ADGRA1: variants seen among roughly 807,000 people sequenced by gnomAD.
The protein encoded by ADGRA1 is adhesion G protein-coupled receptor A1.
In ADGRA1, 12 loss-of-function variants were observed where a neutral mutation model predicts 21.3. The observed-to-expected ratio is 0.56, with a 90% CI of 0.36 to 0.91. The LOEUF (loss-of-function observed/expected upper bound fraction) is 0.91, where lower values mean the gene tolerates loss of function less well. ADGRA1 is among the 40% of genes least tolerant of loss of function. ADGRA1 has a pLI of 0.01. For missense variants in ADGRA1, 790 were observed against 805.6 expected, an observed-to-expected ratio of 0.98 and a Z score of 0.23; for synonymous variants, 385 against 368.8, an observed-to-expected ratio of 1.04 and a Z score of -0.50.
Position 133,093,069 on chromosome 10 carries a change from T to C in ADGRA1, c.4-3905T>C, listed in dbSNP as rs199966882. 364 of 1,596,682 alleles carry C rather than the reference T, an allele frequency of 2.3e-4. 1 individual carries two copies. Among genetic ancestry groups the C allele is most frequent in the Middle Eastern group, 1.7e-3 (10 of 6,056 alleles). ...ACACCTCACTGTGTAGGAAAGAAGG[T>C]TCCTCAGCCAGTTGGAGCTGCAGAC... On this transcript the variant is annotated intron_variant, in intron 2 of 6. Transcript: ENST00000392607.
At position 133,128,886 on chromosome 10, in the gene ADGRA1, G is replaced by A; in HGVS notation, c.1058G>A (p.Arg353Gln). 1.3e-6 allele frequency: 2 copies of A among 1,562,502 alleles called. No individual in the cohort carries two copies. The highest frequency in any genetic ancestry group is 1.2e-5 in the South Asian group (1 of 86,574). Reference protein sequence around the residue: ...CLHSPGLGQPRGFAHPPGPCK... With the variant: ...CLHSPGLGQPQGFAHPPGPCK... ...CACTCGCCGGGACTGGGCCAGCCAC[G>A]GGGCTTCGCGCACCCACCGGGCCCC... The change falls in exon 7 of 7, where the codon CGG (arginine) becomes CAG (glutamine). Residue 353 changes from arginine (R) to glutamine (Q), a missense_variant. By Grantham distance (43) the Arg-to-Gln change is conservative. This residue lies in a region of ADGRA1 where 391 missense variants were observed against 351.5 expected (regional missense o/e 1.11). Transcript: ENST00000392607.
chr10:133,093,030 A>C (rs1416311975), intron 2 of ADGRA1: 4 of 1,595,198 alleles, frequency 2.5e-6, no homozygotes, highest in Non-Finnish European at 3.4e-6. Flanking sequence ...TCGGAGCTGC[A>C]GACCTGGCCC....
intron 5 of ADGRA1, among the ~76,000 whole-genome samples, chr10:133,117,998 G>C (rs1184525416): frequency 6.6e-6 from 1 of 152,218 alleles, no homozygotes; most frequent in African/African-American, 2.4e-5. Flanking sequence ...GACAGTGGAG[G>C]CTGGGAGGGA....
chr10:133,125,068 C>T (rs1249534620), intron 5 of ADGRA1, among the ~76,000 whole-genome samples: 1 of 152,250 alleles, frequency 6.6e-6, no homozygotes, highest in African/African-American at 2.4e-5. Flanking sequence ...GTCTACTTTG[C>T]CGGGCATCCG....
intron 2 of ADGRA1, among the ~76,000 whole-genome samples, chr10:133,095,311 CT>C (rs1320993391): frequency 6.6e-6 from 1 of 152,164 alleles, no homozygotes; most frequent in African/African-American, 2.4e-5. Context: ...CTCCTGGGCC[CT>C]GACTCCCCCG....
chr10:133,119,823 T>C (rs1422667250), intron 5 of ADGRA1, among the ~76,000 whole-genome samples: 1 of 152,332 alleles, frequency 6.6e-6, no homozygotes, highest in East Asian at 1.9e-4. Flanking sequence ...ACAGTGGGCT[T>C]TAAATATTCA....
Position 133,088,083 on chromosome 10 carries a change from C to T in ADGRA1, c.-258C>T, listed in dbSNP as rs2135858447. The T allele has an allele frequency of 1.0e-6, 1 of 985,214 alleles. No homozygotes were observed. Among genetic ancestry groups the T allele is most frequent in the South Asian group, 4.7e-5 (1 of 21,290 alleles). 61.0% of individuals were successfully genotyped at this position (985,214 alleles called of 1,614,324 possible). ...GGTCCCCGGCGGGGGGAGCGCAGCG[C>T]GTCTGTCTCCGGGAGCGCGGCCCGG... On this transcript the variant is annotated 5_prime_UTR_variant, in exon 1 of 7. Transcript: ENST00000392607.
intron 2 of ADGRA1, among the ~76,000 whole-genome samples, chr10:133,092,839 GGGAAGGAAGGAA>G (rs879206917): frequency 3.3e-4 from 25 of 75,652 alleles, no homozygotes; most frequent in East Asian, 1.4e-3. Context: ...GAGGGAGGGA[GGGAAGGAAGGAA>G]GGAAGGAAGG....
chr10:133,118,284 C>T (rs985320272), intron 5 of ADGRA1, among the ~76,000 whole-genome samples: 1 of 152,188 alleles, frequency 6.6e-6, no homozygotes, highest in Non-Finnish European at 1.5e-5. Flanking sequence ...AAGGTACGTA[C>T]GTTGTTTCTT....
intron 2 of ADGRA1, chr10:133,095,511 C>T: frequency 1.1e-6 from 1 of 934,320 alleles, no homozygotes; most frequent in South Asian, 2.0e-5. Context: ...CTCCCAGGTG[C>T]CTTCGCCCTC....
intron 5 of ADGRA1, among the ~76,000 whole-genome samples, chr10:133,111,171 C>CACCACAG: frequency 1.5e-5 from 2 of 137,580 alleles, no homozygotes; most frequent in East Asian, 2.1e-4. Flanking sequence ...ACCACCTGCC[C>CACCACAG]GCCGTGAGCA....
intron 5 of ADGRA1, among the ~76,000 whole-genome samples, chr10:133,108,442 G>A (rs549471305): frequency 6.6e-6 from 1 of 152,230 alleles, no homozygotes; most frequent in South Asian, 2.1e-4. Context: ...AAGCAGGGAG[G>A]GACACCAGAA....
chr10:133,122,098 G>A (rs962126420), intron 5 of ADGRA1, among the ~76,000 whole-genome samples: 2 of 152,238 alleles, frequency 1.3e-5, no homozygotes, highest in Non-Finnish European at 2.9e-5. Context: ...GTGCACGTGT[G>A]AGCATGCGCG....
intron 5 of ADGRA1, among the ~76,000 whole-genome samples, chr10:133,103,108 C>T (rs1257224762): frequency 6.6e-6 from 1 of 152,028 alleles, no homozygotes; most frequent in East Asian, 1.9e-4. Flanking sequence ...TGGAGGGTCC[C>T]GGGTGGAGTC....
chr10:133,102,632 G>A (rs1223060562), intron 4 of ADGRA1, 65 bp from the exon 5 acceptor site: 37 of 1,545,126 alleles, frequency 2.4e-5, no homozygotes, highest in Middle Eastern at 1.7e-4. Flanking sequence ...AGCCCGGGCC[G>A]AGGCTGCTGG....
intron 2 of ADGRA1, among the ~76,000 whole-genome samples, chr10:133,094,832 G>A (rs946203859): frequency 2.6e-5 from 4 of 152,168 alleles, no homozygotes; most frequent in Non-Finnish European, 4.4e-5. Context: ...CTCACGCCCT[G>A]TTAAAACTTC....
intron 2 of ADGRA1, among the ~76,000 whole-genome samples, chr10:133,091,736 C>T (rs1851599116): frequency 6.6e-6 from 1 of 152,210 alleles, no homozygotes; most frequent in South Asian, 2.1e-4. Context: ...ACCCCAGAGA[C>T]CTGGTGTGTG....
At chr10:133,120,297 C>T (rs1474356018) in intron 5 of ADGRA1, among the ~76,000 whole-genome samples, 5 of 152,066 alleles carry the variant, frequency 3.3e-5, no homozygotes, top group East Asian at 1.9e-4. Context: ...CCCAGCTGCT[C>T]GGGAGGCTGA....
intron 2 of ADGRA1, among the ~76,000 whole-genome samples, chr10:133,091,964 C>T (rs552906031): frequency 4.6e-5 from 7 of 152,268 alleles, no homozygotes; most frequent in Non-Finnish European, 7.4e-5. Context: ...TCCCCGAGGC[C>T]GGACCCATGT....
Sources: gnomAD v4.1 joint callset for allele counts (sites outside exome capture counted in the v4.1 genomes callset) on GRCh38, gnomAD v4.1.1 for gene constraint, gnomAD v4.1.1 regional missense constraint, MANE v1.5 for transcripts, NCBI Gene and HGNC (gene_info 2026-07-23, HGNC 2026-07-21) for gene names.